The following KAZN variants were observed in gnomAD, a reference collection of about 807,000 sequenced individuals.
KAZN encodes the protein kazrin, periplakin interacting protein.
KAZN carries 40 observed loss-of-function variants against 87.4 expected under a neutral mutation model. The ratio of observed to expected loss-of-function variants is 0.46; its 90% CI spans 0.36 to 0.60. The LOEUF (loss-of-function observed/expected upper bound fraction) is 0.60, where lower values mean the gene tolerates loss of function less well. KAZN is among the 20% of genes least tolerant of loss of function. The probability of loss-of-function intolerance (pLI) is 0.00; values close to 1 mark genes in which losing one functional copy is unlikely to be tolerated. For synonymous variants in KAZN, 466 were observed against 458.3 expected (o/e 1.02, Z -0.22); for missense variants, 898 against 1,073.9 (o/e 0.84, Z 2.29).
intron 2 of KAZN, among the ~76,000 whole-genome samples, chr1:14,961,549 C>T (rs1048421474): frequency 2.0e-5 from 3 of 152,100 alleles, no homozygotes; most frequent in South Asian, 4.1e-4. Context: ...AGGGTCTCAG[C>T]GGGTTATTTG....
intron 2 of KAZN, among the ~76,000 whole-genome samples, chr1:14,532,740 G>T (rs540030456): frequency 2.0e-5 from 3 of 150,140 alleles, no homozygotes; most frequent in Non-Finnish European, 4.4e-5. Context: ...TTGTCCTTGT[G>T]ATAGTTTGCT....
At chr1:14,962,211 G>A (rs1036118587) in intron 2 of KAZN, among the ~76,000 whole-genome samples, 5 of 152,218 alleles carry the variant, frequency 3.3e-5, no homozygotes. Context: ...GAAAGCCTGG[G>A]AAGTCCTCAG....
At chr1:14,988,054 G>A (rs1371113046) in intron 2 of KAZN, among the ~76,000 whole-genome samples, 1 of 152,212 alleles carries the variant, frequency 6.6e-6, no homozygotes, top group Non-Finnish European at 1.5e-5. Context: ...GGAGTGATGG[G>A]ATCAAACTGG....
intron 2 of KAZN, among the ~76,000 whole-genome samples, chr1:14,500,250 A>G (rs1425262456): frequency 6.6e-6 from 1 of 152,122 alleles, no homozygotes; most frequent in East Asian, 1.9e-4. Flanking sequence ...GTCATATCCT[A>G]CGCTGGCATG....
At chr1:15,046,890 C>T (rs750037608) in intron 4 of KAZN, among the ~76,000 whole-genome samples, 6 of 152,218 alleles carry the variant, frequency 3.9e-5, no homozygotes, top group Non-Finnish European at 7.3e-5. Context: ...AGGTCTTTCT[C>T]ATGCCTTGTG....
At chr1:14,514,387 T>TATTA (rs1671120794) in intron 2 of KAZN, among the ~76,000 whole-genome samples, 1 of 11,696 alleles carries the variant, frequency 8.5e-5, no homozygotes, top group African/African-American at 4.1e-4. Context: ...TATATATATA[T>TATTA]TATATATATT....
chr1:14,231,414 C>T lies in KAZN; in HGVS notation c.249+50822C>T, dbSNP rs190920221. Among the ~76,000 whole-genome samples, 25 of 152,222 alleles carry T rather than the reference C, an allele frequency of 1.6e-4. No individual in the cohort carries two copies. The East Asian group carries it at 3.7e-3, about 22-fold the overall frequency. Reference sequence around the variant, plus strand: ...TATCTCATTTTTTTTTTTAGCATGGCCCAGGTTCTTAGCTATTCAATACTC... The same window carrying T: ...TATCTCATTTTTTTTTTTAGCATGGTCCAGGTTCTTAGCTATTCAATACTC... On this transcript the variant is annotated intron_variant, in intron 2 of 16. Transcript: ENST00000636203.
At chr1:13,961,350 G>A (rs370700595) in intron 1 of KAZN, among the ~76,000 whole-genome samples, 1 of 152,164 alleles carries the variant, frequency 6.6e-6, no homozygotes, top group Non-Finnish European at 1.5e-5. Context: ...ACCTCATGAT[G>A]TTTGCATTCT....
At chr1:14,594,079 C>A (rs1676351723), upstream of KAZN, among the ~76,000 whole-genome samples, 2 of 152,192 alleles carry the variant, frequency 1.3e-5, no homozygotes, top group African/African-American at 4.8e-5. Flanking sequence ...CTTCTAGGAC[C>A]AAATAGCGTC....
At chr1:14,073,104 C>T (rs1318943482) in intron 1 of KAZN, among the ~76,000 whole-genome samples, 1 of 152,144 alleles carries the variant, frequency 6.6e-6, no homozygotes, top group East Asian at 1.9e-4. Flanking sequence ...ACCCAAGGCA[C>T]CTGTGATCAG....
Position 13,960,343 on chromosome 1 carries a change from C to T in KAZN, c.91+66587C>T, listed in dbSNP as rs565601961. Among the ~76,000 whole-genome samples the T allele has an allele frequency of 1.2e-3, 176 of 152,328 alleles. 2 individuals are homozygous for T. Among genetic ancestry groups the T allele is most frequent in the African/African-American group, 4.0e-3 (166 of 41,574 alleles). ...CACACAGGCAGGCAGAACTGGGATT[C>T]TAACCCGGACAGCCCAACTTTAGAG... On this transcript the variant is annotated intron_variant, in intron 1 of 16. Transcript: ENST00000636203.
chr1:14,387,371 TGGA>T (rs898712457), intron 2 of KAZN, among the ~76,000 whole-genome samples: 2 of 152,250 alleles, frequency 1.3e-5, no homozygotes, highest in East Asian at 1.9e-4. Flanking sequence ...TGCGTTCCTT[TGGA>T]GGAGGAGAGG....
intron 8 of KAZN, among the ~76,000 whole-genome samples, chr1:15,080,003 A>G (rs1639922913): frequency 6.6e-6 from 1 of 152,194 alleles, no homozygotes; most frequent in Non-Finnish European, 1.5e-5. Context: ...AAACTTAGAG[A>G]ATACTTGTCA....
At chr1:14,152,199 A>G (rs1281661329) in intron 1 of KAZN, among the ~76,000 whole-genome samples, 1 of 152,204 alleles carries the variant, frequency 6.6e-6, no homozygotes, top group Non-Finnish European at 1.5e-5. Flanking sequence ...TCTTTGAATT[A>G]TTGTTAAATA....
Position 14,951,005 on chromosome 1 carries a change from C to A in KAZN, c.227-9679C>A, listed in dbSNP as rs1662412113. 3.3e-5 allele frequency among the ~76,000 whole-genome samples: 5 copies of A among 152,108 alleles called. No homozygotes were observed. The South Asian group carries it at 1.0e-3, about 32-fold the overall frequency. ...TTAACTGCATGTTCTCTCTGTGGCT[C>A]AGTTTCTTTTGTAAAATGGGGACAT... is the stretch of plus-strand genomic sequence containing the variant. On this transcript the variant is annotated intron_variant, in intron 1 of 14. Coordinates refer to ENST00000376030, the MANE Select transcript of KAZN (RefSeq NM_201628.3).
At chr1:14,000,782 A>AT (rs201523239) in intron 1 of KAZN, among the ~76,000 whole-genome samples, 15,788 of 149,402 alleles carry the variant, frequency 0.11, 1,050 homozygotes, top group South Asian at 0.17. Context: ...AGATGACATG[A>AT]TTTTTTTTGT....
intron 1 of KAZN, among the ~76,000 whole-genome samples, chr1:14,904,244 G>T (rs1441806292): frequency 1.3e-5 from 2 of 149,690 alleles, no homozygotes. Flanking sequence ...GGCGGAGTTT[G>T]CAGTGAGCCG....
intron 2 of KAZN, among the ~76,000 whole-genome samples, chr1:14,435,107 T>G (rs1557719618): frequency 1.3e-5 from 2 of 152,142 alleles, no homozygotes; most frequent in Non-Finnish European, 2.9e-5. Context: ...TGCAGGTCCC[T>G]TGAGTCCTAG....
intron 2 of KAZN, among the ~76,000 whole-genome samples, chr1:14,566,819 G>A (rs1294507048): frequency 6.6e-6 from 1 of 152,108 alleles, no homozygotes; most frequent in South Asian, 2.1e-4. Context: ...TCCCATCTCA[G>A]CCTTCATTGA....
Sources: allele counts gnomAD v4.1 joint callset (sites outside exome capture counted in the v4.1 genomes callset), GRCh38; gene constraint gnomAD v4.1.1; transcripts MANE v1.5; gene names NCBI Gene and HGNC (gene_info 2026-07-23, HGNC 2026-07-21).